Variants in RASSF6 observed in about 807,000 individuals in gnomAD.
RASSF6 encodes ras association domain-containing protein 6.
RASSF6 carries 52 observed loss-of-function variants against 44.0 expected under a neutral mutation model. That is an observed-to-expected ratio of 1.18 (90% CI 0.95 to 1.49). The LOEUF (loss-of-function observed/expected upper bound fraction) is 1.49. RASSF6 is among the 40% of genes most tolerant of loss of function. The pLI is 0.00. For synonymous variants in RASSF6, 162 were observed against 124.6 expected, an observed-to-expected ratio of 1.30 and a Z score of -2.00; for missense variants, 464 against 393.3, an observed-to-expected ratio of 1.18 and a Z score of -1.52.
intron 2 of RASSF6, among the ~76,000 whole-genome samples, chr4:73,602,347 T>A (rs1163843236): frequency 1.3e-5 from 2 of 152,056 alleles, no homozygotes; most frequent in Non-Finnish European, 2.9e-5. Flanking sequence ...GCAACACTAG[T>A]GTGGTAGAGG....
chr4:73,599,604 C>T (rs1290643287), intron 2 of RASSF6, among the ~76,000 whole-genome samples: 4 of 152,180 alleles, frequency 2.6e-5, no homozygotes, highest in African/African-American at 9.7e-5. Flanking sequence ...TACCATACCT[C>T]TATTCTATCT....
At chr4:73,597,671 C>A (rs1334195763) in intron 3 of RASSF6, among the ~76,000 whole-genome samples, 1 of 152,178 alleles carries the variant, frequency 6.6e-6, no homozygotes, top group African/African-American at 2.4e-5. Context: ...CATATTCACA[C>A]ATATGTTCAT....
chr4:73,618,442 C>A (rs1560465782), intron 1 of RASSF6, among the ~76,000 whole-genome samples: 1 of 151,992 alleles, frequency 6.6e-6, no homozygotes, highest in African/African-American at 2.4e-5. Flanking sequence ...TTTATTTAGA[C>A]ATATGTCTAT....
chr4:73,613,015 T>A (rs538029419), intron 1 of RASSF6, among the ~76,000 whole-genome samples: 2 of 152,296 alleles, frequency 1.3e-5, no homozygotes, highest in South Asian at 4.1e-4. Context: ...CAGGTCCAGA[T>A]ATCTGGTCCC....
intron 1 of RASSF6, among the ~76,000 whole-genome samples, chr4:73,612,794 G>T (rs1483614698): frequency 2.0e-5 from 3 of 151,990 alleles, no homozygotes; most frequent in African/African-American, 7.3e-5. Flanking sequence ...TCACCTATTT[G>T]GTCACAAACC....
Position 73,620,352 on chromosome 4 carries a change from C to T in RASSF6, c.-99G>A, listed in dbSNP as rs556791259. 2.1e-5 allele frequency: 31 copies of T among 1,493,922 alleles called. No individual in the cohort carries two copies. The highest frequency in any genetic ancestry group is 2.9e-5 in the African/African-American group (2 of 69,120). The allele number at this position is 1,493,922 out of a possible 1,614,324, so 92.5% of individuals were successfully genotyped here. ...TCGTTGTTCGGCTGAACTTGCTTCG[C>T]GGTTTGTTCTCGGCTGGGTCAGGAA... On this transcript the variant is annotated 5_prime_UTR_variant, in exon 1 of 11. Transcript: ENST00000307439.
intron 8 of RASSF6, 140 bp from the exon 9 acceptor site, chr4:73,576,871 A>G (rs1178829096): frequency 4.8e-6 from 3 of 623,104 alleles, no homozygotes; most frequent in African/African-American, 3.6e-5. Flanking sequence ...TACTCAAAAA[A>G]GCAAATTGAA....
At chr4:73,613,532 G>A (rs2476026) in intron 1 of RASSF6, among the ~76,000 whole-genome samples, 3,326 of 152,084 alleles carry the variant, frequency 0.022, 133 homozygotes, top group African/African-American at 0.076. Context: ...GATGACCCTG[G>A]GGTCCAAACA....
intron 10 of RASSF6, 46 bp from the exon 11 acceptor site, chr4:73,576,356 G>T: frequency 6.8e-7 from 1 of 1,475,210 alleles, no homozygotes; most frequent in Non-Finnish European, 9.4e-7. Context: ...GACATATTTT[G>T]TGCATTGGAC....
chr4:73,597,170 A>G (rs1313961301), intron 3 of RASSF6, among the ~76,000 whole-genome samples: 1 of 152,164 alleles, frequency 6.6e-6, no homozygotes, highest in African/African-American at 2.4e-5. Context: ...GAAACTATCA[A>G]TAGAGTAAAC....
chr4:73,617,164 A>G (rs1726417939), intron 1 of RASSF6, among the ~76,000 whole-genome samples: 1 of 152,218 alleles, frequency 6.6e-6, no homozygotes, highest in African/African-American at 2.4e-5. Context: ...ATGTATTATA[A>G]TCATTGAATC....
In RASSF6 at chr4:73,594,302, C is replaced by G. The variant is rs141293006; in HGVS notation, c.145-709G>C. ...AAACTTTGGAAAATGTAGAAACTAA[C>G]AAAAGTCATATGCCAGCCACCCAAT... On this transcript the variant is annotated intron_variant, in intron 3 of 10. Coordinates refer to ENST00000307439, the MANE Select transcript of RASSF6 (RefSeq NM_177532.5). Among the ~76,000 whole-genome samples, 33 of 152,272 alleles carry G rather than the reference C, an allele frequency of 2.2e-4. No individual in the cohort carries two copies. In the East Asian group the frequency reaches 6.4e-3, roughly 29 times the overall value.
chr4:73,576,372 A>T (rs1343960729), intron 10 of RASSF6, 38 bp downstream of exon 10: 10 of 1,467,686 alleles, frequency 6.8e-6, no homozygotes, highest in African/African-American at 1.4e-5. Flanking sequence ...TGGACATATT[A>T]AAGAACGGAG....
intron 6 of RASSF6, among the ~76,000 whole-genome samples, chr4:73,584,937 T>A (rs7665695): frequency 2.8e-4 from 42 of 152,238 alleles, no homozygotes; most frequent in Middle Eastern, 6.8e-3. Context: ...AGCTTATATG[T>A]CAAGTAAAGA....
chr4:73,596,342 C>A (rs1021762000), intron 3 of RASSF6, among the ~76,000 whole-genome samples: 1 of 152,128 alleles, frequency 6.6e-6, no homozygotes, highest in Non-Finnish European at 1.5e-5. Context: ...TATACACCAA[C>A]AACAATCAAG....
At chr4:73,581,894 AT>A in intron 7 of RASSF6, 26 bp from the exon 8 acceptor site, 1 of 1,577,384 alleles carries the variant, frequency 6.3e-7, no homozygotes, top group Non-Finnish European at 8.7e-7. Context: ...ATGAACAAAT[AT>A]AAATTCTTTG....
chr4:73,595,237 C>G (rs1724851350), intron 3 of RASSF6, among the ~76,000 whole-genome samples: 1 of 152,134 alleles, frequency 6.6e-6, no homozygotes, highest in African/African-American at 2.4e-5. Context: ...CTCTGTCACC[C>G]AGGCTGGAGT....
chr4:73,595,200 T>G (rs950481644), intron 3 of RASSF6, among the ~76,000 whole-genome samples: 1 of 152,148 alleles, frequency 6.6e-6, no homozygotes, highest in African/African-American at 2.4e-5. Context: ...ATAACTTTTT[T>G]TTGTTTGTGT....
intron 2 of RASSF6, among the ~76,000 whole-genome samples, chr4:73,608,812 G>A (rs1364398950): frequency 6.6e-6 from 1 of 152,172 alleles, no homozygotes; most frequent in Non-Finnish European, 1.5e-5. Context: ...CCTTTGATCA[G>A]GAGAAGACCC....
Sources: allele counts gnomAD v4.1 joint callset (sites outside exome capture counted in the v4.1 genomes callset), GRCh38; gene constraint gnomAD v4.1.1; transcripts MANE v1.5; gene names NCBI Gene and HGNC (gene_info 2026-07-23, HGNC 2026-07-21).